Variants in EFHB observed in about 807,000 individuals in gnomAD.
The protein encoded by EFHB is EF-hand domain-containing family member B.
A neutral mutation model predicts 87.2 loss-of-function variants in EFHB; 91 were observed. The ratio of observed to expected loss-of-function variants is 1.04; its 90% CI spans 0.88 to 1.24. The LOEUF is 1.24. Ranked by LOEUF, EFHB falls within the 50% of genes most tolerant of loss-of-function variation. The pLI, the probability that EFHB is intolerant of heterozygous loss-of-function variation, is 0.00. For missense variants in EFHB, 1,084 were observed against 998.8 expected (o/e 1.09, Z -1.15); for synonymous variants, 325 against 333.6 (o/e 0.97, Z 0.28).
intron 9 of EFHB, among the ~76,000 whole-genome samples, chr3:19,893,558 G>A (rs1290207186): frequency 1.3e-5 from 2 of 152,142 alleles, no homozygotes; most frequent in Non-Finnish European, 2.9e-5. Flanking sequence ...CCTGAAGACT[G>A]CATCATAAAG....
intron 12 of EFHB, 65 bp from the exon 13 acceptor site, chr3:19,879,869 T>C: frequency 1.1e-5 from 16 of 1,441,608 alleles, no homozygotes; most frequent in Non-Finnish European, 1.5e-5. Flanking sequence ...GAAAAATATC[T>C]TTATAACATC....
At chr3:19,909,471 T>C (rs1694982849) in intron 5 of EFHB, among the ~76,000 whole-genome samples, 2 of 152,078 alleles carry the variant, frequency 1.3e-5, no homozygotes, top group African/African-American at 4.8e-5. Context: ...CCAAGTAACC[T>C]TGAAAGGCAG....
intron 6 of EFHB, among the ~76,000 whole-genome samples, chr3:19,902,821 A>G (rs1166602251): frequency 1.3e-5 from 2 of 152,202 alleles, no homozygotes; most frequent in African/African-American, 4.8e-5. Context: ...CTCTTTTTAA[A>G]CTGCAACCAA....
At chr3:19,897,996 A>C (rs2931382) in intron 8 of EFHB, among the ~76,000 whole-genome samples, 64,846 of 152,026 alleles carry the variant, frequency 0.43, 14,397 homozygotes, top group African/African-American at 0.54. Context: ...TATCTAGGGC[A>C]TGGGTCCCAG....
At chr3:19,922,318 A>C (rs1263886664) in intron 1 of EFHB, among the ~76,000 whole-genome samples, 2 of 152,184 alleles carry the variant, frequency 1.3e-5, no homozygotes, top group Non-Finnish European at 2.9e-5. Context: ...TAAAGCTTGG[A>C]TATGAAAATA....
chr3:19,945,608 C>G (rs759804370), intron 1 of EFHB, among the ~76,000 whole-genome samples: 2 of 152,166 alleles, frequency 1.3e-5, no homozygotes, highest in African/African-American at 4.8e-5. Context: ...TCGTTTTGGG[C>G]ATACTGTTGA....
chr3:19,906,498 AG>A (rs1290906789), intron 5 of EFHB, among the ~76,000 whole-genome samples: 1 of 152,196 alleles, frequency 6.6e-6, no homozygotes. Flanking sequence ...AACTTAACCA[AG>A]GGGGTAAAAG....
intron 5 of EFHB, among the ~76,000 whole-genome samples, chr3:19,908,597 AGAGAAAG>A (rs1392210155): frequency 9.2e-4 from 97 of 105,702 alleles, no homozygotes; most frequent in African/African-American, 3.7e-3. Flanking sequence ...AGAGAGAGAG[AGAGAAAG>A]AAAGAAAGAA....
chr3:19,929,025 T>C (rs577058160), intron 1 of EFHB, among the ~76,000 whole-genome samples: 1 of 152,032 alleles, frequency 6.6e-6, no homozygotes, highest in Non-Finnish European at 1.5e-5. Flanking sequence ...TAATTATAAG[T>C]TAAAGAAACA....
intron 1 of EFHB, chr3:19,943,348 G>A (rs980608770): frequency 1.2e-5 from 2 of 173,868 alleles, no homozygotes; most frequent in African/African-American, 4.8e-5. Flanking sequence ...ATTGGATTCT[G>A]AAGAAAGACA....
rs1263995060 is a variant in EFHB at position 19,915,403 on chromosome 3, A to G, written c.1188T>C (p.Ala396=). The G allele has an allele frequency of 6.2e-7, 1 of 1,606,562 alleles. No individual in the cohort carries two copies. Among genetic ancestry groups the G allele is most frequent in the Non-Finnish European group, 8.5e-7 (1 of 1,174,626 alleles). The change falls in exon 5 of 13, where the codon GCT becomes GCC. Residue 396 remains alanine (A), a synonymous_variant. Transcript: ENST00000295824. ...FGTAVIKEYS[A]KDVVNPPKSY... ...ATTTTGGTGGATTCACCACATCTTTAGCAGAGTATTCTGAAGGAAGAATTA... is the reference window on the plus strand; with the variant it reads ...ATTTTGGTGGATTCACCACATCTTTGGCAGAGTATTCTGAAGGAAGAATTA...
chr3:19,896,779 G>T lies in EFHB; in HGVS notation c.1633C>A (p.Arg545=). The T allele has an allele frequency of 5.0e-6, 8 of 1,613,988 alleles. No homozygotes were observed. The highest frequency in any genetic ancestry group is 1.7e-5 in the Admixed American group (1 of 60,020). The change falls in exon 9 of 13, where the codon CGA becomes AGA. Residue 545 remains arginine (R), a synonymous_variant. Transcript: ENST00000295824. The stretch of plus-strand genomic sequence containing the variant: ...TGCCGAACTGCTGCAATCAGGGCTC[G>T]CTGTCTATCCTTGCCTCGAAGATAT... ...DEYLRGKDRQ[R]ALIAAVRHHL...
upstream of EFHB, chr3:19,936,425 G>A (rs1696023279): frequency 1.9e-6 from 1 of 519,220 alleles, no homozygotes; most frequent in South Asian, 2.8e-5. Context: ...TCAGCCAGGT[G>A]TAGTGGTACA....
At chr3:19,885,281 A>G (rs1310769239) in intron 10 of EFHB, among the ~76,000 whole-genome samples, 3 of 152,030 alleles carry the variant, frequency 2.0e-5, no homozygotes, top group African/African-American at 7.2e-5. Flanking sequence ...TTTTCCTAGC[A>G]CTATGCACTA....
intron 4 of EFHB, among the ~76,000 whole-genome samples, chr3:19,916,090 C>T (rs1414250484): frequency 1.3e-5 from 2 of 152,188 alleles, no homozygotes; most frequent in African/African-American, 4.8e-5. Context: ...TAGTTTGCTG[C>T]AGACTTCTCA....
intron 6 of EFHB, 55 bp from the exon 7 acceptor site, chr3:19,899,570 C>A (rs1343059414): frequency 1.5e-5 from 21 of 1,363,954 alleles, no homozygotes; most frequent in Middle Eastern, 1.8e-4. Context: ...TTCTTGGCTG[C>A]CAAATATACA....
intron 1 of EFHB, among the ~76,000 whole-genome samples, chr3:19,929,936 A>G (rs1283500286): frequency 1.3e-5 from 2 of 152,192 alleles, no homozygotes; most frequent in South Asian, 4.1e-4. Context: ...TGAGATTTCA[A>G]ATCCCACCAC....
At chr3:19,937,683 TTC>T (rs1425267501), upstream of EFHB, among the ~76,000 whole-genome samples, 1 of 152,140 alleles carries the variant, frequency 6.6e-6, no homozygotes, top group Non-Finnish European at 1.5e-5. Context: ...GTAAATACTC[TTC>T]TCTCTTTTCC....
At chr3:19,890,525 T>C (rs1310961409) in intron 9 of EFHB, among the ~76,000 whole-genome samples, 3 of 152,240 alleles carry the variant, frequency 2.0e-5, no homozygotes, top group Non-Finnish European at 4.4e-5. Flanking sequence ...CCATGTATTA[T>C]TGCTACGGCT....
Sources: gnomAD v4.1 joint callset for allele counts (sites outside exome capture counted in the v4.1 genomes callset) on GRCh38, gnomAD v4.1.1 for gene constraint, MANE v1.5 for transcripts, NCBI Gene and HGNC (gene_info 2026-07-23, HGNC 2026-07-21) for gene names.